DEPP1: variants seen among roughly 807,000 people sequenced by gnomAD.
DEPP1 encodes DEPP autophagy regulator 1.
For synonymous variants in DEPP1, 117 were observed against 113.6 expected (o/e 1.03, Z -0.19); for missense variants, 267 against 280.1 (o/e 0.95, Z 0.33).
intron 1 of DEPP1, 90 bp downstream of exon 1, chr10:44,978,528 G>A (rs12251910): frequency 0.023 from 3,561 of 152,902 alleles, 139 homozygotes; most frequent in African/African-American, 0.08. Context: ...CCATAGGGAG[G>A]CTGTGCAAGT....
At position 44,977,733 on chromosome 10, in the gene DEPP1, C is replaced by T; in HGVS notation, c.298G>A (p.Asp100Asn). The T allele has an allele frequency of 6.2e-7, 1 of 1,605,234 alleles. No individual in the cohort carries two copies. The highest frequency in any genetic ancestry group is 8.5e-7 in the Non-Finnish European group (1 of 1,175,106). The change falls in exon 2 of 2, where the codon GAT (aspartate) becomes AAT (asparagine). Residue 100 changes from aspartate (D) to asparagine (N), a missense_variant. Asp to Asn is a conservative substitution (Grantham distance 23). Transcript: ENST00000298295. The part of the protein sequence containing the change: ...SGQQPTLPMA[D>N]TVDPLDWLFG... Reference sequence around the variant, plus strand: ...AGCCAGTCCAGGGGGTCCACAGTATCAGCCATGGGCAGTGTGGGCTGCTGG... The same window carrying T: ...AGCCAGTCCAGGGGGTCCACAGTATTAGCCATGGGCAGTGTGGGCTGCTGG...
intron 1 of DEPP1, chr10:44,978,367 T>C: frequency 3.8e-6 from 1 of 262,210 alleles, no homozygotes; most frequent in Non-Finnish European, 7.1e-6. Context: ...CATGGGACCT[T>C]TGGCAAGGCC....
rs1377036646 is a variant in DEPP1 at position 44,977,046 on chromosome 10, T to C, written c.*346A>G. On this transcript the variant is annotated 3_prime_UTR_variant, in exon 2 of 2. Transcript: ENST00000298295. ...GCGATGATGGTAGCTACTCAGCCAGTGGGCTCCTATATGCGGTTACACGTC... is the reference window on the plus strand; with the variant it reads ...GCGATGATGGTAGCTACTCAGCCAGCGGGCTCCTATATGCGGTTACACGTC... 5.3e-6 allele frequency: 1 copy of C among 187,346 alleles called. No individual in the cohort carries two copies. The highest frequency in any genetic ancestry group is 2.3e-5 in the African/African-American group (1 of 42,884). 11.6% of individuals were successfully genotyped at this position (187,346 alleles called of 1,614,324 possible).
In DEPP1 at chr10:44,977,242, G is replaced by T. The variant is rs962078014; in HGVS notation, c.*150C>A. 3 of 945,606 alleles carry T rather than the reference G, an allele frequency of 3.2e-6. No homozygotes were observed. The highest frequency in any genetic ancestry group is 4.8e-6 in the Non-Finnish European group (3 of 631,302). The allele number at this position is 945,606 out of a possible 1,614,324, so 58.6% of individuals were successfully genotyped here. ...CAGGCTGTTATCATATTCAGAGGGG[G>T]TCGGTCTCACTGTGAACTGCCCAAG... On this transcript the variant is annotated 3_prime_UTR_variant, in exon 2 of 2. Transcript: ENST00000298295.
rs143373089 is a variant in DEPP1, at chr10:44,977,801, C to T, written c.230G>A (p.Arg77His). ...HRPAQACRKG[R>H]PAVSLRDITA... is the part of the protein sequence containing the mutation. ...GATGTCTCGCAGGGACACAGCAGGG[C>T]GGCCCTTCCGGCAGGCCTGGGCTGG... The change falls in exon 2 of 2, where the codon CGC becomes CAC. Residue 77 changes from arginine (R) to histidine (H), a missense_variant. Physicochemically the swap from Arg to His is conservative, Grantham distance 29. Coordinates refer to ENST00000298295, the MANE Select transcript of DEPP1 (RefSeq NM_007021.4). 5,079 of 1,600,518 alleles carry T rather than the reference C, an allele frequency of 3.2e-3. 27 individuals are homozygous for T. The highest frequency in any genetic ancestry group is 3.1e-3 in the Non-Finnish European group (3,611 of 1,172,962).
chr10:44,977,594 C>T lies in DEPP1; in HGVS notation c.437G>A (p.Gly146Glu). ...TTCACAGAGCCTCCCTCTGGGGGCC[C>T]CCATGGGCTTGCTGCTGTCCATCTG... ...HRQMDSSKPM[G>E]APRGRLCEAR... The change falls in exon 2 of 2, where the codon GGG (glycine) becomes GAG (glutamate). Residue 146 changes from glycine to glutamate, a missense_variant. Physicochemically the swap from Gly to Glu is moderately conservative, Grantham distance 98. Coordinates refer to ENST00000298295, the MANE Select transcript of DEPP1 (RefSeq NM_007021.4). 1 of 1,613,362 alleles carries T rather than the reference C, an allele frequency of 6.2e-7. No individual in the cohort carries two copies. The highest frequency in any genetic ancestry group is 8.5e-7 in the Non-Finnish European group (1 of 1,179,882).
At position 44,976,216 on chromosome 10, in the gene DEPP1, G is replaced by T. The variant is rs562241898; in HGVS notation, c.*1176C>A. ...ATTCCCAGCCCTTGCAGGGTGTGAA[G>T]AACATTGCTGATGTCCCCATTTTAT... On this transcript the variant is annotated 3_prime_UTR_variant, in exon 2 of 2. Transcript: ENST00000298295. 6.6e-6 allele frequency: 1 copy of T among 152,356 alleles called. No individual in the cohort carries two copies. The highest frequency in any genetic ancestry group is 1.5e-5 in the Non-Finnish European group (1 of 68,044). 9.4% of individuals were successfully genotyped at this position (152,356 alleles called of 1,614,324 possible).
chr10:44,977,879 G>A lies in DEPP1; in HGVS notation c.152C>T (p.Thr51Ile), dbSNP rs373320891. 1.1e-5 allele frequency: 17 copies of A among 1,612,268 alleles called. No individual in the cohort carries two copies. Among genetic ancestry groups the A allele is most frequent in the Middle Eastern group, 1.6e-4 (1 of 6,082 alleles). ...GGCCGTGGCCTTGTCCAGCACAGAG[G>A]TGGGCTGTGCCAGTCGAGATATAGA... The part of the protein sequence containing the change: ...VRSISRLAQP[T>I]SVLDKATAQG... The change falls in exon 2 of 2, where the codon ACC becomes ATC. Residue 51 changes from threonine (T) to isoleucine (I), a missense_variant. By Grantham distance (89) the Thr-to-Ile change is moderately conservative. Coordinates refer to ENST00000298295, the MANE Select transcript of DEPP1 (RefSeq NM_007021.4).
chr10:44,978,152 G>T, intron 1 of DEPP1, 97 bp from the exon 2 acceptor site: 2 of 1,173,872 alleles, frequency 1.7e-6, no homozygotes, highest in Non-Finnish European at 2.4e-6. Context: ...TAGGAATCCG[G>T]TGCCCTGAGA....
In DEPP1 at chr10:44,977,724, C is replaced by T. The variant is rs1225490469; in HGVS notation, c.307G>A (p.Asp103Asn). 6.2e-7 allele frequency: 1 copy of T among 1,610,600 alleles called. No individual in the cohort carries two copies. The highest frequency in any genetic ancestry group is 8.5e-7 in the Non-Finnish European group (1 of 1,178,626). The change falls in exon 2 of 2, where the codon GAC becomes AAC. Residue 103 changes from aspartate (D) to asparagine (N), a missense_variant. Asp to Asn is a conservative substitution (Grantham distance 23). Coordinates refer to ENST00000298295, the MANE Select transcript of DEPP1 (RefSeq NM_007021.4). Reference protein sequence around the residue: ...QPTLPMADTVDPLDWLFGESQ... With the variant: ...QPTLPMADTVNPLDWLFGESQ... ...TCCCCAAAAAGCCAGTCCAGGGGGTCCACAGTATCAGCCATGGGCAGTGTG... is the reference window on the plus strand; with the variant it reads ...TCCCCAAAAAGCCAGTCCAGGGGGTTCACAGTATCAGCCATGGGCAGTGTG...
chr10:44,977,251 A>ACTGTGAACTGCCCAAGCAGGGCCT lies in DEPP1; in HGVS notation c.*140_*141insAGGCCCTGCTTGGGCAGTTCACAG. 3 of 1,105,258 alleles carry ACTGTGAACTGCCCAAGCAGGGCCT rather than the reference A, an allele frequency of 2.7e-6. No individual in the cohort carries two copies. The highest frequency in any genetic ancestry group is 3.9e-6 in the Non-Finnish European group (3 of 771,544). 68.5% of individuals were successfully genotyped at this position (1,105,258 alleles called of 1,614,324 possible). On this transcript the variant is annotated 3_prime_UTR_variant, in exon 2 of 2. Transcript: ENST00000298295. ...ATCATATTCAGAGGGGGTCGGTCTC[A>ACTGTGAACTGCCCAAGCAGGGCCT]CTGTGAACTGCCCAAGCAGGGGCCT...
chr10:44,977,147 T>A lies in DEPP1; in HGVS notation c.*245A>T. 2.3e-6 allele frequency: 1 copy of A among 441,424 alleles called. No individual in the cohort carries two copies. Among genetic ancestry groups the A allele is most frequent in the Non-Finnish European group, 4.0e-6 (1 of 251,766 alleles). 27.3% of individuals were successfully genotyped at this position (441,424 alleles called of 1,614,324 possible). A position where few individuals can be genotyped will look rare whatever the true frequency, so the allele number is the denominator to read the frequency against. On this transcript the variant is annotated 3_prime_UTR_variant, in exon 2 of 2. Coordinates refer to ENST00000298295, the MANE Select transcript of DEPP1 (RefSeq NM_007021.4). Reference sequence around the variant, plus strand: ...GAAACTGAGGAACACAGATGTTAAGTAAGTTGCTCAAGGTGATCAGCCAGC... The same window carrying A: ...GAAACTGAGGAACACAGATGTTAAGAAAGTTGCTCAAGGTGATCAGCCAGC...
intron 1 of DEPP1, 28 bp from the exon 2 acceptor site, chr10:44,978,083 A>G: frequency 6.4e-7 from 1 of 1,572,728 alleles, no homozygotes; most frequent in Non-Finnish European, 8.6e-7. Flanking sequence ...CCTGGTGGTG[A>G]GGGCCTGCCA....
In DEPP1 at chr10:44,977,584, T is replaced by C. The variant is rs758927938; in HGVS notation, c.447A>G (p.Arg149=). The C allele has an allele frequency of 6.2e-7, 1 of 1,613,420 alleles. No individual in the cohort carries two copies. Among genetic ancestry groups the C allele is most frequent in the Non-Finnish European group, 8.5e-7 (1 of 1,179,898 alleles). The part of the protein sequence containing the change: ...MDSSKPMGAP[R]GRLCEARMPG... Reference sequence around the variant, plus strand: ...GCATCCTGGCTTCACAGAGCCTCCCTCTGGGGGCCCCCATGGGCTTGCTGC... The same window carrying C: ...GCATCCTGGCTTCACAGAGCCTCCCCCTGGGGGCCCCCATGGGCTTGCTGC... Residue 149 remains arginine (R), a synonymous_variant, in exon 2 of 2, where the codon AGA becomes AGG. Transcript: ENST00000298295.
intron 1 of DEPP1, 166 bp from the exon 2 acceptor site, chr10:44,978,221 T>C (rs949442726): frequency 6.2e-5 from 37 of 601,000 alleles, no homozygotes; most frequent in Non-Finnish European, 1.0e-4. Flanking sequence ...CTTTTCTTCC[T>C]GTTCAGGTTA....
In DEPP1 at chr10:44,976,198, G is replaced by A. The variant is rs1312396250; in HGVS notation, c.*1194C>T. Reference sequence around the variant, plus strand: ...CCAAGTTCACATGCGCAGATTCCCAGCCCTTGCAGGGTGTGAAGAACATTG... The same window carrying A: ...CCAAGTTCACATGCGCAGATTCCCAACCCTTGCAGGGTGTGAAGAACATTG... On this transcript the variant is annotated 3_prime_UTR_variant, in exon 2 of 2. Coordinates refer to ENST00000298295, the MANE Select transcript of DEPP1 (RefSeq NM_007021.4). The A allele has an allele frequency of 6.6e-6, 1 of 152,218 alleles. No individual in the cohort carries two copies. Among genetic ancestry groups the A allele is most frequent in the Non-Finnish European group, 1.5e-5 (1 of 68,046 alleles). 9.4% of individuals were successfully genotyped at this position (152,218 alleles called of 1,614,324 possible).
intron 1 of DEPP1, 26 bp from the exon 2 acceptor site, chr10:44,978,081 T>C (rs773593944): frequency 6.3e-7 from 1 of 1,577,568 alleles, no homozygotes; most frequent in Non-Finnish European, 8.6e-7. Context: ...AGCCTGGTGG[T>C]GAGGGCCTGC....
In DEPP1 at chr10:44,977,741, G is replaced by A. The variant is rs756486381; in HGVS notation, c.290C>T (p.Pro97Leu). The A allele has an allele frequency of 2.5e-6, 4 of 1,604,056 alleles. No homozygotes were observed. The highest frequency in any genetic ancestry group is 2.2e-5 in the East Asian group (1 of 44,666). The part of the protein sequence containing the change: ...ARFSGQQPTL[P>L]MADTVDPLDW... Reference sequence around the variant, plus strand: ...CAGGGGGTCCACAGTATCAGCCATGGGCAGTGTGGGCTGCTGGCCACTGAA... The same window carrying A: ...CAGGGGGTCCACAGTATCAGCCATGAGCAGTGTGGGCTGCTGGCCACTGAA... The change falls in exon 2 of 2, where the codon CCC (proline) becomes CTC (leucine). Residue 97 changes from proline (P) to leucine (L), a missense_variant. By Grantham distance (98) the Pro-to-Leu change is moderately conservative. Coordinates refer to ENST00000298295, the MANE Select transcript of DEPP1 (RefSeq NM_007021.4).
In DEPP1 at chr10:44,977,629, A is replaced by ACC. The variant is rs771154895; in HGVS notation, c.400_401dup (p.Pro135ValfsTer42). 6.2e-7 allele frequency: 1 copy of ACC among 1,612,292 alleles called. No homozygotes were observed. Among genetic ancestry groups the ACC allele is most frequent in the African/African-American group, 1.3e-5 (1 of 74,782 alleles). On this transcript the variant is annotated frameshift_variant, in exon 2 of 2. Coordinates refer to ENST00000298295, the MANE Select transcript of DEPP1 (RefSeq NM_007021.4). LOFTEE classifies it low-confidence loss of function (END_TRUNC). Reference sequence around the variant, plus strand: ...TGCTGCTGTCCATCTGTCTATGTGGACCCCAGAGGCCAGCAGAGGGGCCAG... The same window carrying ACC: ...TGCTGCTGTCCATCTGTCTATGTGGACCCCCCAGAGGCCAGCAGAGGGGCCAG...
Sources: gnomAD v4.1 joint callset for allele counts on GRCh38, gnomAD v4.1.1 for gene constraint, MANE v1.5 for transcripts, NCBI Gene and HGNC (gene_info 2026-07-23, HGNC 2026-07-21) for gene names.